Variants in CYREN observed in about 807,000 individuals in gnomAD.
CYREN encodes the protein cell cycle regulator of non-homologous end joining.
In CYREN, 7 loss-of-function variants were observed where a neutral mutation model predicts 9.7. The ratio of observed to expected loss-of-function variants is 0.72; its 90% CI spans 0.41 to 1.36. The LOEUF (loss-of-function observed/expected upper bound fraction) is 1.36, where lower values mean the gene tolerates loss of function less well. Among genes scored for constraint, CYREN ranks in the 40% most tolerant of loss-of-function variants. The probability of loss-of-function intolerance (pLI) is 0.01; values close to 1 mark genes in which losing one functional copy is unlikely to be tolerated. For synonymous variants in CYREN, 76 were observed against 77.9 expected (o/e 0.98, Z 0.13); for missense variants, 215 against 198.1 (o/e 1.09, Z -0.51).
intron 1 of CYREN, among the ~76,000 whole-genome samples, chr7:135,169,797 A>G (rs1361182472): frequency 1.3e-5 from 2 of 152,162 alleles, no homozygotes; most frequent in African/African-American, 4.8e-5. Context: ...AAGCTCCTGA[A>G]GCGGAGGTTT....
rs139663826 is a variant in CYREN, at chr7:135,151,934, T to C, written n.356+16815A>G. On this transcript the variant is annotated intron_variant and non_coding_transcript_variant, in intron 2 of 2. Coordinates refer to the CYREN transcript ENST00000459937. The surrounding 1 kb of genome is among the most constrained non-coding windows in gnomAD (Gnocchi z 4.3). ...CATAAATGAGACCAGCTTCCTAGAG[T>C]TCATCTCTGGGAATGAACCCTGGCA... Among the ~76,000 whole-genome samples the C allele has an allele frequency of 7.8e-4, 118 of 151,972 alleles. 1 individual carries two copies. Among genetic ancestry groups the C allele is most frequent in the African/African-American group, 2.7e-3 (112 of 41,428 alleles).
intron 2 of CYREN, among the ~76,000 whole-genome samples, chr7:135,147,083 T>C (rs1050632899): frequency 1.4e-4 from 22 of 152,180 alleles, no homozygotes; most frequent in African/African-American, 5.1e-4. Context: ...ATAGCTACCA[T>C]TACTATGGTC....
intron 2 of CYREN, among the ~76,000 whole-genome samples, chr7:135,125,466 A>T (rs897697955): frequency 6.6e-6 from 1 of 152,202 alleles, no homozygotes; most frequent in Non-Finnish European, 1.5e-5. Context: ...CCAGAAGTAC[A>T]AAGAAGAGCT....
chr7:135,150,741 G>A (rs546317621), intron 2 of CYREN, among the ~76,000 whole-genome samples: 3 of 152,172 alleles, frequency 2.0e-5, no homozygotes, highest in East Asian at 1.9e-4. Context: ...TTAGCTGGAC[G>A]TGGTGGCAGG....
intron 2 of CYREN, among the ~76,000 whole-genome samples, chr7:135,154,305 T>C (rs1469272730): frequency 1.3e-5 from 2 of 152,202 alleles, no homozygotes; most frequent in Non-Finnish European, 2.9e-5. Context: ...CAAGAACTAA[T>C]ATATGAACTT....
chr7:135,155,462 T>C (rs1230275071), intron 2 of CYREN, among the ~76,000 whole-genome samples: 2 of 152,272 alleles, frequency 1.3e-5, no homozygotes, highest in Non-Finnish European at 2.9e-5. Flanking sequence ...ATTTGATTCC[T>C]TTCTCTTCCT....
At chr7:135,167,223 G>C in intron 3 of CYREN, 1 of 1,117,542 alleles carries the variant, frequency 8.9e-7, no homozygotes, top group Non-Finnish European at 1.1e-6. Flanking sequence ...ACTAGGAAAA[G>C]TCCCACACCA....
intron 2 of CYREN, chr7:135,129,202 C>A: frequency 7.0e-7 from 1 of 1,425,534 alleles, no homozygotes; most frequent in Non-Finnish European, 9.9e-7. Flanking sequence ...TGCCCCCACG[C>A]ATGCTGCCAG....
chr7:135,166,864 T>C lies in CYREN; in HGVS notation c.221A>G (p.Lys74Arg), dbSNP rs1323347255. The C allele has an allele frequency of 1.2e-6, 2 of 1,613,460 alleles. No homozygotes were observed. The highest frequency in any genetic ancestry group is 2.2e-5 in the South Asian group (2 of 91,066). The change falls in exon 4 of 4, where the codon AAA becomes AGA. Residue 74 changes from lysine (K) to arginine (R), a missense_variant. Physicochemically the swap from Lys to Arg is conservative, Grantham distance 26. Transcript: ENST00000393114. ...VALGILIESR[K>R]QEKACEQPAL... is the part of the protein sequence containing the mutation. ...CGGCTGCTCGCAGGCCTTTTCCTGT[T>C]TGCGGCTCTGTGGAGTACGGGAAAA...
At chr7:135,171,659 T>G (rs1830661775), upstream of CYREN, among the ~76,000 whole-genome samples, 1 of 152,228 alleles carries the variant, frequency 6.6e-6, no homozygotes, top group African/African-American at 2.4e-5. Context: ...AGGCAGTAGC[T>G]TGCCAATGCT....
chr7:135,129,793 T>A (rs1828470595), intron 2 of CYREN: 2 of 566,264 alleles, frequency 3.5e-6, no homozygotes, highest in Admixed American at 2.6e-5. Flanking sequence ...ACTCATTCAG[T>A]CTTCCTGTGT....
rs1295556026 is a variant in CYREN, at chr7:135,135,164, A to G, written n.356+33585T>C. ...GAAGAAACTAACCAGCAAAGCTCTA[A>G]GCATACAGCCCTCCATCTAACTAAA... On this transcript the variant is annotated intron_variant and non_coding_transcript_variant, in intron 2 of 2. Transcript: ENST00000459937. 1.3e-6 allele frequency: 2 copies of G among 1,551,002 alleles called. No homozygotes were observed. The highest frequency in any genetic ancestry group is 2.7e-5 in the African/African-American group (2 of 73,014).
At chr7:135,142,187 A>G (rs1162688126) in intron 2 of CYREN, among the ~76,000 whole-genome samples, 1 of 150,744 alleles carries the variant, frequency 6.6e-6, no homozygotes, top group Non-Finnish European at 1.5e-5. Context: ...TATGCACCAT[A>G]GATTGAGATC....
chr7:135,103,078 A>G (rs1303627905), intron 2 of CYREN, among the ~76,000 whole-genome samples: 1 of 152,148 alleles, frequency 6.6e-6, no homozygotes, highest in Non-Finnish European at 1.5e-5. Context: ...CACAAACACA[A>G]TACTCCGGCA....
chr7:135,152,099 C>T (rs1829678370), intron 2 of CYREN, among the ~76,000 whole-genome samples: 1 of 152,214 alleles, frequency 6.6e-6, no homozygotes, highest in Non-Finnish European at 1.5e-5. Flanking sequence ...GCACAAATTA[C>T]TTCATTTAAT....
chr7:135,126,487 C>T (rs1021107238), intron 2 of CYREN, among the ~76,000 whole-genome samples: 2 of 152,216 alleles, frequency 1.3e-5, no homozygotes, highest in African/African-American at 4.8e-5. Flanking sequence ...AGATTCAACA[C>T]TTTTCCCATC....
intron 2 of CYREN, among the ~76,000 whole-genome samples, chr7:135,111,234 T>C (rs6962111): frequency 0.15 from 22,458 of 152,220 alleles, 1,711 homozygotes; most frequent in Middle Eastern, 0.3. Flanking sequence ...CTAGATCCCA[T>C]GTCCATCAAT....
chr7:135,098,516 G>A (rs187047194), intron 2 of CYREN, among the ~76,000 whole-genome samples: 196 of 152,286 alleles, frequency 1.3e-3, no homozygotes, highest in African/African-American at 4.5e-3. Flanking sequence ...CACGGATGTG[G>A]AGCCCACACA....
chr7:135,139,762 A>G (rs1371998395), intron 2 of CYREN, among the ~76,000 whole-genome samples: 1 of 152,122 alleles, frequency 6.6e-6, no homozygotes, highest in Non-Finnish European at 1.5e-5. Context: ...GGTGAAAGGA[A>G]GGGGTCCAAT....
Sources: gnomAD v4.1 joint callset for allele counts (sites outside exome capture counted in the v4.1 genomes callset) on GRCh38, gnomAD v4.1.1 for gene constraint, Gnocchi (gnomAD v3.1) non-coding constraint, MANE v1.5 for transcripts, NCBI Gene and HGNC (gene_info 2026-07-23, HGNC 2026-07-21) for gene names.